The following AGBL4 variants were observed in gnomAD, a reference collection of about 807,000 sequenced individuals.
AGBL4 encodes cytosolic carboxypeptidase 6.
Under a neutral mutation model 66.4 loss-of-function variants are expected in AGBL4, and 58 were observed. That is an observed-to-expected ratio of 0.87 (90% CI 0.71 to 1.09). The LOEUF (loss-of-function observed/expected upper bound fraction) is 1.09. Ranked by LOEUF, AGBL4 falls within the 50% of genes least tolerant of loss-of-function variation. The probability of loss-of-function intolerance (pLI) is 0.00; values close to 1 mark genes in which losing one functional copy is unlikely to be tolerated. For missense variants in AGBL4, 579 were observed against 631.0 expected (o/e 0.92, Z 0.88); for synonymous variants, 234 against 222.9 (o/e 1.05, Z -0.44).
At chr1:49,372,647 CTT>C (rs1204467486) in intron 3 of AGBL4, among the ~76,000 whole-genome samples, 4 of 131,826 alleles carry the variant, frequency 3.0e-5, no homozygotes, top group African/African-American at 3.4e-5. Flanking sequence ...TTCTTTCTTT[CTT>C]TCTTTCTTTC....
intron 1 of AGBL4, among the ~76,000 whole-genome samples, chr1:49,895,392 GA>G (rs1273085629): frequency 6.6e-6 from 1 of 151,858 alleles, no homozygotes; most frequent in Non-Finnish European, 1.5e-5. Flanking sequence ...AAGCACACAG[GA>G]AAACAGAATG....
chr1:48,851,175 C>T (rs769839586), intron 6 of AGBL4, among the ~76,000 whole-genome samples: 1 of 152,040 alleles, frequency 6.6e-6, no homozygotes, highest in Non-Finnish European at 1.5e-5. Flanking sequence ...AGCCCTTATC[C>T]GTAGTGAGAA....
chr1:49,932,312 G>GA (rs994995568), intron 1 of AGBL4, among the ~76,000 whole-genome samples: 16 of 150,344 alleles, frequency 1.1e-4, no homozygotes, highest in South Asian at 4.2e-4. Context: ...CATGCAAAAA[G>GA]AAAAAAAAAC....
At chr1:48,877,056 A>G (rs754695674) in intron 5 of AGBL4, among the ~76,000 whole-genome samples, 2 of 152,124 alleles carry the variant, frequency 1.3e-5, no homozygotes, top group Non-Finnish European at 2.9e-5. Context: ...AGAAAAGTAA[A>G]CTGAGGCCAC....
chr1:49,060,757 T>C (rs1241757979), intron 4 of AGBL4, among the ~76,000 whole-genome samples: 2 of 152,166 alleles, frequency 1.3e-5, no homozygotes, highest in Non-Finnish European at 2.9e-5. Context: ...GAGCCCTATC[T>C]GATTTATCAT....
At chr1:48,717,373 A>G (rs1647069440) in intron 6 of AGBL4, among the ~76,000 whole-genome samples, 5 of 152,204 alleles carry the variant, frequency 3.3e-5, no homozygotes, top group Admixed American at 2.6e-4. Context: ...TTTTACATAC[A>G]TAGTCACAGA....
intron 6 of AGBL4, among the ~76,000 whole-genome samples, chr1:48,836,061 T>C (rs923493254): frequency 2.0e-5 from 3 of 152,002 alleles, no homozygotes; most frequent in African/African-American, 4.8e-5. Flanking sequence ...TAGAGGACTA[T>C]TGCAGTAGTT....
intron 6 of AGBL4, among the ~76,000 whole-genome samples, chr1:48,749,419 T>G (rs201104422): frequency 6.6e-6 from 1 of 152,266 alleles, no homozygotes; most frequent in East Asian, 1.9e-4. Context: ...CTTATGGTGG[T>G]CCTACAAAAT....
At chr1:49,215,490 G>T (rs1385608826) in intron 4 of AGBL4, among the ~76,000 whole-genome samples, 2 of 152,082 alleles carry the variant, frequency 1.3e-5, no homozygotes, top group African/African-American at 4.8e-5. Flanking sequence ...TATGTAAACT[G>T]CCAAAGACCT....
chr1:49,019,098 C>T (rs1663046944), intron 5 of AGBL4, among the ~76,000 whole-genome samples: 1 of 152,136 alleles, frequency 6.6e-6, no homozygotes, highest in African/African-American at 2.4e-5. Flanking sequence ...TGAGCTATCA[C>T]AAGTTGGAAT....
intron 1 of AGBL4, among the ~76,000 whole-genome samples, chr1:49,931,930 C>T (rs1050142480): frequency 6.6e-6 from 1 of 151,994 alleles, no homozygotes; most frequent in Non-Finnish European, 1.5e-5. Context: ...TCCAAAAATC[C>T]AAAATCCAAA....
At chr1:48,846,881 C>A (rs1646929539) in intron 6 of AGBL4, among the ~76,000 whole-genome samples, 1 of 151,874 alleles carries the variant, frequency 6.6e-6, no homozygotes, top group Admixed American at 6.6e-5. Flanking sequence ...TTGAGAAGTC[C>A]TAAAGTATTA....
At chr1:48,722,971 C>G (rs923052309) in intron 6 of AGBL4, among the ~76,000 whole-genome samples, 2 of 152,174 alleles carry the variant, frequency 1.3e-5, no homozygotes, top group Non-Finnish European at 2.9e-5. Flanking sequence ...ATAGATATTA[C>G]TATTCCCGTT....
intron 3 of AGBL4, among the ~76,000 whole-genome samples, chr1:49,476,068 C>T (rs1646839152): frequency 6.6e-6 from 1 of 151,894 alleles, no homozygotes; most frequent in African/African-American, 2.4e-5. Flanking sequence ...GTAATCTTTC[C>T]TCTTAACACT....
At chr1:49,420,581 G>A (rs1188386353) in intron 3 of AGBL4, among the ~76,000 whole-genome samples, 1 of 151,822 alleles carries the variant, frequency 6.6e-6, no homozygotes. Flanking sequence ...GGCACCTGCA[G>A]TCCCAGCTAC....
At chr1:48,769,526 A>AACAC (rs558937968) in intron 6 of AGBL4, among the ~76,000 whole-genome samples, 34,784 of 129,930 alleles carry the variant, frequency 0.27, 5,257 homozygotes, top group Non-Finnish European at 0.35. Flanking sequence ...GAGGATTTAA[A>AACAC]ACACACACAC....
At chr1:49,402,962 G>T (rs1645119128) in intron 3 of AGBL4, among the ~76,000 whole-genome samples, 1 of 152,152 alleles carries the variant, frequency 6.6e-6, no homozygotes, top group South Asian at 2.1e-4. Context: ...TGTGTATTCT[G>T]CCATCATTAA....
intron 4 of AGBL4, among the ~76,000 whole-genome samples, chr1:49,050,100 G>T (rs1261733019): frequency 1.3e-5 from 2 of 152,032 alleles, no homozygotes; most frequent in Admixed American, 1.3e-4. Flanking sequence ...GAAGATTTCA[G>T]GTCCTGTAGT....
intron 3 of AGBL4, among the ~76,000 whole-genome samples, chr1:49,249,524 A>G (rs1159361379): frequency 6.6e-6 from 1 of 152,242 alleles, no homozygotes; most frequent in African/African-American, 2.4e-5. Context: ...ATGAGGTATC[A>G]TCTCACTGCA....
Sources: allele counts gnomAD v4.1 joint callset (sites outside exome capture counted in the v4.1 genomes callset), GRCh38; gene constraint gnomAD v4.1.1; transcripts MANE v1.5; gene names NCBI Gene and HGNC (gene_info 2026-07-23, HGNC 2026-07-21).